The following DCC variants were observed in gnomAD, a reference collection of about 807,000 sequenced individuals.
DCC encodes netrin receptor DCC.
Under a neutral mutation model 172.5 loss-of-function variants are expected in DCC, and 58 were observed. The observed-to-expected ratio is 0.34, with a 90% CI of 0.27 to 0.42. The LOEUF (loss-of-function observed/expected upper bound fraction) is 0.42. DCC is among the 10% of genes least tolerant of loss of function. The probability of loss-of-function intolerance (pLI) is 1.00; values close to 1 mark genes in which losing one functional copy is unlikely to be tolerated. For synonymous variants in DCC, 709 were observed against 644.5 expected, an observed-to-expected ratio of 1.10 and a Z score of -1.52; for missense variants, 1,740 against 1,791.0, an observed-to-expected ratio of 0.97 and a Z score of 0.51.
In DCC at chr18:53,231,792, C is replaced by T. The variant is rs571939186; in HGVS notation, c.1911+16195C>T. ...AATTCATTCTACCTTTATCAGTCTT[C>T]AGCCTCTTCTTATCGCATGCACAAC... On this transcript the variant is annotated intron_variant, in intron 12 of 28. Transcript: ENST00000442544. Among the ~76,000 whole-genome samples the T allele has an allele frequency of 8.5e-4, 130 of 152,196 alleles. 1 individual carries two copies. Among genetic ancestry groups the T allele is most frequent in the Admixed American group, 2.6e-3 (40 of 15,262 alleles).
chr18:52,949,599 A>G (rs2040603252), intron 5 of DCC, among the ~76,000 whole-genome samples: 1 of 152,208 alleles, frequency 6.6e-6, no homozygotes, highest in Admixed American at 6.5e-5. Flanking sequence ...AATAGCCCTG[A>G]AGATTTAATC....
intron 7 of DCC, among the ~76,000 whole-genome samples, chr18:53,120,883 G>A (rs1212484198): frequency 1.3e-5 from 2 of 151,768 alleles, no homozygotes; most frequent in African/African-American, 4.8e-5. Flanking sequence ...TTTGTTTAGG[G>A]CAAGTGTTAC....
chr18:52,932,410 A>G (rs922696540), intron 5 of DCC, among the ~76,000 whole-genome samples: 16 of 152,128 alleles, frequency 1.1e-4, no homozygotes, highest in Non-Finnish European at 1.9e-4. Flanking sequence ...TGCATAATTT[A>G]AAAAGTGATT....
At chr18:53,281,331 A>T (rs147739355) in intron 12 of DCC, among the ~76,000 whole-genome samples, 245 of 152,318 alleles carry the variant, frequency 1.6e-3, no homozygotes, top group African/African-American at 5.6e-3. Flanking sequence ...TAAATTTGAT[A>T]TGTCATGTAA....
intron 1 of DCC, among the ~76,000 whole-genome samples, chr18:52,491,045 C>G (rs905152806): frequency 6.6e-6 from 1 of 152,064 alleles, no homozygotes; most frequent in African/African-American, 2.4e-5. Flanking sequence ...AACTTCAGTT[C>G]CATTTAACAC....
intron 1 of DCC, among the ~76,000 whole-genome samples, chr18:52,620,049 A>T (rs2034451743): frequency 6.6e-6 from 1 of 152,242 alleles, no homozygotes; most frequent in Non-Finnish European, 1.5e-5. Context: ...GCCCCCTCGT[A>T]ATTTATATAA....
chr18:53,289,537 A>G (rs2056976397), intron 12 of DCC, among the ~76,000 whole-genome samples: 1 of 152,154 alleles, frequency 6.6e-6, no homozygotes, highest in African/African-American at 2.4e-5. Flanking sequence ...TCAAGGAAAG[A>G]GTTTGAGTTG....
intron 15 of DCC, among the ~76,000 whole-genome samples, chr18:53,384,523 T>C (rs1046290070): frequency 9.2e-5 from 14 of 152,106 alleles, no homozygotes; most frequent in Admixed American, 2.0e-4. Flanking sequence ...TTTTTCAGTC[T>C]TCTTAATTTC....
At chr18:53,458,454 T>C (rs1024373353) in intron 23 of DCC, among the ~76,000 whole-genome samples, 1 of 152,220 alleles carries the variant, frequency 6.6e-6, no homozygotes, top group Non-Finnish European at 1.5e-5. Flanking sequence ...GACCCCCTGC[T>C]GTAGAGAATG....
intron 1 of DCC, among the ~76,000 whole-genome samples, chr18:52,539,219 A>G (rs1192451491): frequency 6.6e-6 from 1 of 152,210 alleles, no homozygotes; most frequent in Non-Finnish European, 1.5e-5. Flanking sequence ...AGATATTTTA[A>G]GATTTAATGA....
chr18:52,444,558 T>G (rs576075772), intron 1 of DCC, among the ~76,000 whole-genome samples: 27 of 152,160 alleles, frequency 1.8e-4, no homozygotes, highest in Non-Finnish European at 3.7e-4. Context: ...TAATACAAAT[T>G]TAACATGTTT....
At chr18:52,831,951 A>G (rs1377452094) in intron 2 of DCC, among the ~76,000 whole-genome samples, 1 of 152,170 alleles carries the variant, frequency 6.6e-6, no homozygotes, top group Non-Finnish European at 1.5e-5. Flanking sequence ...ATACTCCCAA[A>G]TGAAATGATT....
Position 52,587,506 on chromosome 18 carries a change from A to G in DCC, c.92-164548A>G, listed in dbSNP as rs556771062. Among the ~76,000 whole-genome samples the G allele has an allele frequency of 2.0e-5, 3 of 152,148 alleles. No homozygotes were observed. In the East Asian group the frequency reaches 5.8e-4, roughly 29 times the overall value. On this transcript the variant is annotated intron_variant, in intron 1 of 28. Transcript: ENST00000442544. ...ACCACTCAGAGAAGTCCATCCACAA[A>G]CCTCTTCCCCAAATTTCTTTGTCAC...
At chr18:53,315,663 CATG>C (rs779864038) in intron 13 of DCC, among the ~76,000 whole-genome samples, 9 of 152,100 alleles carry the variant, frequency 5.9e-5, no homozygotes, top group Non-Finnish European at 7.4e-5. Context: ...TTCTAACTGA[CATG>C]AGATGGTATC....
chr18:53,451,876 G>C (rs1285392397), intron 23 of DCC, among the ~76,000 whole-genome samples: 3 of 152,184 alleles, frequency 2.0e-5, no homozygotes, highest in Admixed American at 2.0e-4. Context: ...GTAACATGGG[G>C]TGTAGATGCA....
chr18:52,625,344 C>T (rs935445257), intron 1 of DCC, among the ~76,000 whole-genome samples: 17 of 152,000 alleles, frequency 1.1e-4, no homozygotes, highest in South Asian at 2.1e-4. Flanking sequence ...ATAATGTAAC[C>T]GCCGTATTGA....
At chr18:52,606,148 T>C (rs1185881893) in intron 1 of DCC, among the ~76,000 whole-genome samples, 1 of 152,052 alleles carries the variant, frequency 6.6e-6, no homozygotes, top group East Asian at 1.9e-4. Flanking sequence ...GCCACTTCTA[T>C]CTTCAAGGAA....
chr18:53,529,909 C>T (rs2046506488), intron 28 of DCC, among the ~76,000 whole-genome samples: 1 of 152,134 alleles, frequency 6.6e-6, no homozygotes. Context: ...CTTCTTTTAT[C>T]CACCATTCAA....
At position 53,515,586 on chromosome 18, in the gene DCC, G is replaced by A. The variant is rs949717209; in HGVS notation, c.4112-11031G>A. On this transcript the variant is annotated intron_variant, in intron 27 of 28. Coordinates refer to ENST00000442544, the MANE Select transcript of DCC (RefSeq NM_005215.4). ...GCCCAAAATCTCCTTAAGCTGATAA[G>A]CAACTTCAGCAAAGTCTCAGGATAC... is the stretch of plus-strand genomic sequence containing the variant. Among the ~76,000 whole-genome samples, 10 of 143,260 alleles carry A rather than the reference G, an allele frequency of 7.0e-5. 1 individual carries two copies. In the Admixed American group the frequency reaches 7.0e-4, roughly 10 times the overall value. 94.0% of individuals were successfully genotyped at this position (143,260 alleles called of 152,430 possible). A position where few individuals can be genotyped will look rare whatever the true frequency, so the allele number is the denominator to read the frequency against.
Sources: gnomAD v4.1 joint callset for allele counts (sites outside exome capture counted in the v4.1 genomes callset) on GRCh38, gnomAD v4.1.1 for gene constraint, MANE v1.5 for transcripts, NCBI Gene and HGNC (gene_info 2026-07-23, HGNC 2026-07-21) for gene names.